Variants in GALNT16 observed in about 807,000 individuals in gnomAD.
GALNT16 encodes polypeptide N-acetylgalactosaminyltransferase 16.
A neutral mutation model predicts 76.1 loss-of-function variants in GALNT16; 40 were observed. The observed-to-expected ratio is 0.53, with a 90% CI of 0.41 to 0.68. The LOEUF (loss-of-function observed/expected upper bound fraction) is 0.68, where lower values mean the gene tolerates loss of function less well. Ranked by LOEUF, GALNT16 falls within the 30% of genes least tolerant of loss-of-function variation. GALNT16 has a pLI of 0.00. For synonymous variants in GALNT16, 276 were observed against 285.2 expected (o/e 0.97, Z 0.32); for missense variants, 621 against 731.9 (o/e 0.85, Z 1.75).
At chr14:69,262,994 C>T (rs1876811586) in intron 1 of GALNT16, among the ~76,000 whole-genome samples, 1 of 151,906 alleles carries the variant, frequency 6.6e-6, no homozygotes, top group African/African-American at 2.4e-5. Flanking sequence ...ATTCTCATGC[C>T]TCAGCCTCTC....
rs563308034 is a variant in GALNT16 at position 69,301,895 on chromosome 14, C to T, written c.178-18816C>T. Among the ~76,000 whole-genome samples, 198 of 152,224 alleles carry T rather than the reference C, an allele frequency of 1.3e-3. 1 individual carries two copies. In the Middle Eastern group the frequency reaches 0.024, roughly 18 times the overall value. ...GTACCAGCTACTCGGGAGGCTGAGG[C>T]AGGAGAATCGCTTGAACCCAGGAGG... is the stretch of plus-strand genomic sequence containing the variant. On this transcript the variant is annotated intron_variant, in intron 1 of 14. Transcript: ENST00000448469.
intron 1 of GALNT16, among the ~76,000 whole-genome samples, chr14:69,304,153 CT>C (rs2044897714): frequency 6.6e-6 from 1 of 152,120 alleles, no homozygotes; most frequent in Non-Finnish European, 1.5e-5. Context: ...CAAATTTAGC[CT>C]CTTAAAATGA....
intron 2 of GALNT16, among the ~76,000 whole-genome samples, chr14:69,322,522 T>G (rs2045203478): frequency 6.6e-6 from 1 of 152,230 alleles, no homozygotes; most frequent in African/African-American, 2.4e-5. Context: ...CTATGTACAT[T>G]TTTAAATGAG....
the GALNT16 span, among the ~76,000 whole-genome samples, chr14:69,363,902 T>C: frequency 1.3e-5 from 2 of 152,198 alleles, no homozygotes; most frequent in Admixed American, 1.3e-4. Context: ...TGCCAGGAGC[T>C]TCCTTGAGAT....
intron 1 of GALNT16, among the ~76,000 whole-genome samples, chr14:69,277,615 G>C (rs1489841091): frequency 6.6e-6 from 1 of 152,270 alleles, no homozygotes; most frequent in Non-Finnish European, 1.5e-5. Context: ...TCTTAATCCA[G>C]TCTATCATTG....
At chr14:69,289,236 G>A (rs2044658479) in intron 1 of GALNT16, among the ~76,000 whole-genome samples, 1 of 152,168 alleles carries the variant, frequency 6.6e-6, no homozygotes, top group Non-Finnish European at 1.5e-5. Flanking sequence ...AGGTGCTGGA[G>A]AGTCTTGAGA....
Position 69,347,096 on chromosome 14 carries a change from A to T in GALNT16, c.1328A>T (p.Glu443Val). 2 of 1,613,954 alleles carry T rather than the reference A, an allele frequency of 1.2e-6. No homozygotes were observed. The highest frequency in any genetic ancestry group is 2.7e-5 in the African/African-American group (2 of 75,028). The change falls in exon 13 of 15, where the codon GAA (glutamate) becomes GTA (valine). Residue 443 changes from glutamate (E) to valine (V), a missense_variant. By Grantham distance (121) the Glu-to-Val change is moderately radical. Transcript: ENST00000448469. ...ATTAAGCAGGGGGTGAACTGCTTAG[A>T]ATCTCAGGGCCAGAACACAGCTGGT... The part of the protein sequence containing the change: ...GIIKQGVNCL[E>V]SQGQNTAGDF...
chr14:69,380,458 G>A, the GALNT16 span: 1 of 752,832 alleles, frequency 1.3e-6, no homozygotes, highest in Non-Finnish European at 2.4e-6. Flanking sequence ...GGATTACTAT[G>A]ATACAAAACT....
chr14:69,314,754 T>C (rs2045076781), intron 1 of GALNT16, among the ~76,000 whole-genome samples: 1 of 152,214 alleles, frequency 6.6e-6, no homozygotes, highest in Admixed American at 6.5e-5. Flanking sequence ...AGGTAAGATT[T>C]TACTCCCAGG....
intron 4 of GALNT16, 106 bp downstream of exon 4, chr14:69,325,510 C>CT: frequency 1.3e-6 from 1 of 765,410 alleles, no homozygotes; most frequent in Non-Finnish European, 2.4e-6. Flanking sequence ...TCGCAGACAC[C>CT]TTTCTGCCCC....
At chr14:69,362,277 C>T in the GALNT16 span, among the ~76,000 whole-genome samples, 1 of 152,214 alleles carries the variant, frequency 6.6e-6, no homozygotes, top group African/African-American at 2.4e-5. Flanking sequence ...TCAGGGTTCT[C>T]TGCTCTGCCT....
rs376766562 is a variant in GALNT16 at position 69,354,077 on chromosome 14, G to A, written c.*1909G>A. On this transcript the variant is annotated 3_prime_UTR_variant, in exon 15 of 15. Coordinates refer to ENST00000448469, the MANE Select transcript of GALNT16 (RefSeq NM_001168368.2). The stretch of plus-strand genomic sequence containing the variant: ...TGTCCTCTGTCGTGATGTTTCTTCC[G>A]CAGCCAGGTGCAGCCTCAGATCCCC... 3.7e-4 allele frequency: 57 copies of A among 152,890 alleles called. 2 individuals are homozygous for A. Among genetic ancestry groups the A allele is most frequent in the South Asian group, 2.7e-3 (13 of 4,828 alleles). The allele number at this position is 152,890 out of a possible 1,614,324, so 9.5% of individuals were successfully genotyped here. A position where few individuals can be genotyped will look rare whatever the true frequency, so the allele number is the denominator to read the frequency against.
Position 69,339,455 on chromosome 14 carries a change from T to C in GALNT16, c.1095-72T>C, listed in dbSNP as rs1490526612. 4.5e-6 allele frequency: 4 copies of C among 894,882 alleles called. No homozygotes were observed. In the East Asian group the frequency reaches 9.6e-5, roughly 21 times the overall value. The allele number at this position is 894,882 out of a possible 1,614,324, so 55.4% of individuals were successfully genotyped here. On this transcript the variant is annotated intron_variant, in intron 10 of 14. Coordinates refer to ENST00000448469, the MANE Select transcript of GALNT16 (RefSeq NM_001168368.2). ...TCATCGTCCTGTATTCATGGATCGA[T>C]TAATCTTGATCCTGACCGCTAACCC... is the stretch of plus-strand genomic sequence containing the variant.
rs373181670 is a variant in GALNT16, at chr14:69,309,211, G to T, written c.178-11500G>T. On this transcript the variant is annotated intron_variant, in intron 1 of 14. Coordinates refer to ENST00000448469, the MANE Select transcript of GALNT16 (RefSeq NM_001168368.2). ...CAGATGGAAGAAATGCATAAGGCAA[G>T]ATATGGGGAAAGGGGCACAAAGCTT... is the stretch of plus-strand genomic sequence containing the variant. Among the ~76,000 whole-genome samples the T allele has an allele frequency of 3.3e-5, 5 of 152,046 alleles. No individual in the cohort carries two copies. In the East Asian group the frequency reaches 5.8e-4, roughly 18 times the overall value.
the GALNT16 span, among the ~76,000 whole-genome samples, chr14:69,372,168 G>A: frequency 3.3e-5 from 5 of 152,096 alleles, no homozygotes; most frequent in Admixed American, 2.6e-4. Context: ...CAAGTAGGAA[G>A]AGGAGCTTGT....
chr14:69,354,131 C>G lies in GALNT16; in HGVS notation c.*1963C>G, dbSNP rs1265725925. ...TCATCTGGGAAGCCTCCTGCCACAG[C>G]TTAGGACAGAACTGGGCCCAGGGCA... On this transcript the variant is annotated 3_prime_UTR_variant, in exon 15 of 15. Transcript: ENST00000448469. The G allele has an allele frequency of 6.5e-6, 1 of 152,960 alleles. No homozygotes were observed. Among genetic ancestry groups the G allele is most frequent in the African/African-American group, 2.4e-5 (1 of 41,472 alleles). 9.5% of individuals were successfully genotyped at this position (152,960 alleles called of 1,614,324 possible).
At chr14:69,350,068 C>G (rs567879947) in intron 14 of GALNT16, 3 of 152,090 alleles carry the variant, frequency 2.0e-5, no homozygotes, top group African/African-American at 7.2e-5. Flanking sequence ...AAAAATTAGC[C>G]GGGCGTGGTG....
the GALNT16 span, among the ~76,000 whole-genome samples, chr14:69,377,355 ATTT>A: frequency 6.6e-6 from 1 of 151,986 alleles, no homozygotes; most frequent in African/African-American, 2.4e-5. Flanking sequence ...CTAAATTTTT[ATTT>A]TTATTTTTAC....
chr14:69,381,937 C>T, the GALNT16 span, among the ~76,000 whole-genome samples: 3 of 152,186 alleles, frequency 2.0e-5, no homozygotes, highest in East Asian at 1.9e-4. Context: ...GTGATCCAGC[C>T]GCCTCGGCCG....
Sources: gnomAD v4.1 joint callset for allele counts (sites outside exome capture counted in the v4.1 genomes callset) on GRCh38, gnomAD v4.1.1 for gene constraint, MANE v1.5 for transcripts, NCBI Gene and HGNC (gene_info 2026-07-23, HGNC 2026-07-21) for gene names.